Variants in PLXNA4 observed in about 807,000 individuals in gnomAD.
PLXNA4 encodes plexin A4.
A neutral mutation model predicts 191.8 loss-of-function variants in PLXNA4; 44 were observed. The ratio of observed to expected loss-of-function variants is 0.23; its 90% CI spans 0.18 to 0.29. The LOEUF (loss-of-function observed/expected upper bound fraction) is 0.29, where lower values mean the gene tolerates loss of function less well. Ranked by LOEUF, PLXNA4 falls within the 10% of genes least tolerant of loss-of-function variation. The probability of loss-of-function intolerance (pLI) is 1.00; values close to 1 mark genes in which losing one functional copy is unlikely to be tolerated. For synonymous variants in PLXNA4, 1,082 were observed against 1,009.5 expected, an observed-to-expected ratio of 1.07 and a Z score of -1.36; for missense variants, 1,800 against 2,488.8, an observed-to-expected ratio of 0.72 and a Z score of 5.89.
intron 2 of PLXNA4, among the ~76,000 whole-genome samples, chr7:132,625,395 G>A (rs990822049): frequency 6.6e-6 from 1 of 152,240 alleles, no homozygotes; most frequent in African/African-American, 2.4e-5. Flanking sequence ...TACACATTAT[G>A]TGAGTTCATC....
chr7:132,579,205 T>C (rs1266685456), upstream of PLXNA4, among the ~76,000 whole-genome samples: 1 of 152,050 alleles, frequency 6.6e-6, no homozygotes, highest in Non-Finnish European at 1.5e-5. Context: ...GATAGCCCCA[T>C]GAAAGTCCCT....
intron 25 of PLXNA4, among the ~76,000 whole-genome samples, chr7:132,152,808 A>T (rs1013530698): frequency 2.0e-5 from 3 of 152,202 alleles, no homozygotes; most frequent in African/African-American, 7.2e-5. Flanking sequence ...ATCCTGGGGC[A>T]GAGTGACTCC....
intron 3 of PLXNA4, among the ~76,000 whole-genome samples, chr7:132,336,326 G>A (rs1219094041): frequency 1.3e-5 from 2 of 152,172 alleles, no homozygotes; most frequent in Admixed American, 6.5e-5. Context: ...TCAAGGTGCT[G>A]AGCATCTGAT....
intron 3 of PLXNA4, among the ~76,000 whole-genome samples, chr7:132,361,061 G>A (rs1341983181): frequency 5.9e-5 from 9 of 152,152 alleles, no homozygotes; most frequent in African/African-American, 1.4e-4. Context: ...AACATGGATC[G>A]TCCTCCATGC....
chr7:132,272,699 C>T (rs1185369823), intron 4 of PLXNA4, among the ~76,000 whole-genome samples: 1 of 152,202 alleles, frequency 6.6e-6, no homozygotes, highest in Non-Finnish European at 1.5e-5. Context: ...GTCCCAGCAA[C>T]ATTACACTTC....
intron 25 of PLXNA4, among the ~76,000 whole-genome samples, chr7:132,158,400 C>T (rs1218594457): frequency 2.0e-5 from 3 of 152,168 alleles, no homozygotes; most frequent in Admixed American, 1.3e-4. Context: ...GTCCTCCCAC[C>T]ACTATGTTAC....
Position 132,145,105 on chromosome 7 carries a change from C to T in PLXNA4, c.5225+14G>A, listed in dbSNP as rs751548089. On this transcript the variant is annotated intron_variant, in intron 29 of 31. Coordinates refer to ENST00000321063, the MANE Select transcript of PLXNA4 (RefSeq NM_020911.2). Reference sequence around the variant, plus strand: ...CAGGGCTCCCGATGTGCCCCCTGCCCTCCCTTCACTCACCAATTGCTCTTC... The same window carrying T: ...CAGGGCTCCCGATGTGCCCCCTGCCTTCCCTTCACTCACCAATTGCTCTTC... 1.2e-6 allele frequency: 2 copies of T among 1,613,854 alleles called. No individual in the cohort carries two copies. Among genetic ancestry groups the T allele is most frequent in the Non-Finnish European group, 1.7e-6 (2 of 1,179,962 alleles).
chr7:132,526,983 T>C (rs1270361319), intron 1 of PLXNA4, among the ~76,000 whole-genome samples: 2 of 152,220 alleles, frequency 1.3e-5, no homozygotes, highest in Non-Finnish European at 2.9e-5. Context: ...GGAAACCCCA[T>C]TGACTTGTTA....
chr7:132,508,436 T>G lies in PLXNA4; in HGVS notation c.258A>C (p.Thr86=), dbSNP rs1429098367. Residue 86 remains threonine, a synonymous_variant, in exon 2 of 32, where the codon ACA becomes ACC. Transcript: ENST00000321063. This position sits in a 1 kb window ranked among gnomAD's most constrained non-coding sequence, Gnocchi z 4.4. ...ACTTGGGGTTGTCCTCGTCCGGCCC[T>G]GTCTCATGCGTCACCAAGACCTTCA... ...SDLKVLVTHE[T]GPDEDNPKCY... 3 of 1,614,202 alleles carry G rather than the reference T, an allele frequency of 1.9e-6. No individual in the cohort carries two copies. In the East Asian group the frequency reaches 6.7e-5, roughly 36 times the overall value.
intron 2 of PLXNA4, among the ~76,000 whole-genome samples, chr7:132,612,626 T>C (rs112734047): frequency 1.4e-5 from 2 of 145,008 alleles, no homozygotes; most frequent in African/African-American, 5.2e-5. Context: ...ATTGCACCAC[T>C]GTACTCCAGC....
At chr7:132,475,819 G>A (rs924129297) in intron 3 of PLXNA4, among the ~76,000 whole-genome samples, 2 of 152,182 alleles carry the variant, frequency 1.3e-5, no homozygotes, top group Non-Finnish European at 1.5e-5. Flanking sequence ...AGCCACTCTG[G>A]TGGTTGAGGC....
intron 20 of PLXNA4, among the ~76,000 whole-genome samples, chr7:132,176,773 A>AGT (rs904401589): frequency 2.0e-5 from 3 of 151,152 alleles, no homozygotes; most frequent in Admixed American, 6.6e-5. Context: ...TGAGTGCATG[A>AGT]GTGTGTGTGT....
chr7:132,250,037 G>A (rs1041336522), intron 4 of PLXNA4, among the ~76,000 whole-genome samples: 2 of 152,218 alleles, frequency 1.3e-5, no homozygotes, highest in African/African-American at 2.4e-5. Context: ...AGGGACAAGT[G>A]AGAAGCAGAG....
chr7:132,256,522 T>A (rs11975864), intron 4 of PLXNA4, among the ~76,000 whole-genome samples: 1,768 of 152,152 alleles, frequency 0.012, 31 homozygotes, highest in African/African-American at 0.04. Flanking sequence ...AAGGGGAGAA[T>A]CAAGGCACTT....
At chr7:132,255,942 C>G (rs762416154) in intron 4 of PLXNA4, among the ~76,000 whole-genome samples, 4 of 152,232 alleles carry the variant, frequency 2.6e-5, no homozygotes, top group Admixed American at 6.5e-5. Flanking sequence ...GAAATGAGGT[C>G]AAGGTTATCT....
intron 1 of PLXNA4, among the ~76,000 whole-genome samples, chr7:132,515,182 C>A (rs1054543754): frequency 2.6e-5 from 4 of 152,178 alleles, no homozygotes; most frequent in Non-Finnish European, 5.9e-5. Context: ...GGCCTAAGAA[C>A]CGCTAGTGCC....
At chr7:132,437,666 C>G (rs1354445919) in intron 3 of PLXNA4, among the ~76,000 whole-genome samples, 1 of 152,102 alleles carries the variant, frequency 6.6e-6, no homozygotes, top group Non-Finnish European at 1.5e-5. Flanking sequence ...TTCAGCCTCT[C>G]CTATTTTCAG....
chr7:132,320,012 C>A (rs1449673850), intron 3 of PLXNA4, among the ~76,000 whole-genome samples: 1 of 152,240 alleles, frequency 6.6e-6, no homozygotes, highest in African/African-American at 2.4e-5. Context: ...GTCAAGCAAC[C>A]TGGAGCTGCA....
chr7:132,474,259 T>C lies in PLXNA4; in HGVS notation c.1371+15033A>G, dbSNP rs374363069. ...ACACACACACACACACACACACACA[T>C]GCACACACCAGCTGCAGCACTAGGG... is the stretch of plus-strand genomic sequence containing the variant. On this transcript the variant is annotated intron_variant, in intron 3 of 31. Transcript: ENST00000321063. Among the ~76,000 whole-genome samples the C allele has an allele frequency of 4.6e-3, 384 of 82,740 alleles. 2 individuals are homozygous for C. Among genetic ancestry groups the C allele is most frequent in the African/African-American group, 0.019 (347 of 18,730 alleles). 54.3% of individuals were successfully genotyped at this position (82,740 alleles called of 152,430 possible).
Sources: gnomAD v4.1 joint callset for allele counts (sites outside exome capture counted in the v4.1 genomes callset) on GRCh38, gnomAD v4.1.1 for gene constraint, Gnocchi (gnomAD v3.1) non-coding constraint, MANE v1.5 for transcripts, NCBI Gene and HGNC (gene_info 2026-07-23, HGNC 2026-07-21) for gene names.